SGCD: variants seen among roughly 807,000 people sequenced by gnomAD.
SGCD encodes sarcoglycan delta.
Under a neutral mutation model 36.6 loss-of-function variants are expected in SGCD, and 18 were observed. The observed-to-expected ratio is 0.49, with a 90% CI of 0.34 to 0.73. The LOEUF is 0.73. Among genes scored for constraint, SGCD ranks in the 30% least tolerant of loss-of-function variants. The pLI is 0.01. For missense variants in SGCD, 387 were observed against 346.7 expected (o/e 1.12, Z -0.92); for synonymous variants, 133 against 130.6 (o/e 1.02, Z -0.12).
At chr5:156,706,031 T>C (rs1165310976) in intron 7 of SGCD, among the ~76,000 whole-genome samples, 1 of 152,170 alleles carries the variant, frequency 6.6e-6, no homozygotes, top group Non-Finnish European at 1.5e-5. Context: ...GAAAGATAAA[T>C]TTAAACCCTT....
At chr5:156,613,505 T>C (rs1761907349) in intron 6 of SGCD, among the ~76,000 whole-genome samples, 1 of 152,224 alleles carries the variant, frequency 6.6e-6, no homozygotes, top group South Asian at 2.1e-4. Flanking sequence ...AGTTGGACCT[T>C]AAGTAATGGA....
intron 1 of SGCD, among the ~76,000 whole-genome samples, chr5:155,903,731 G>A (rs978785657): frequency 1.3e-5 from 2 of 152,146 alleles, no homozygotes; most frequent in Admixed American, 6.6e-5. Context: ...AAACACCTAC[G>A]ATGTACAAAG....
intron 6 of SGCD, among the ~76,000 whole-genome samples, chr5:156,625,822 C>T (rs1245471580): frequency 1.3e-5 from 2 of 152,160 alleles, no homozygotes; most frequent in Non-Finnish European, 2.9e-5. Context: ...TGCTTAATAT[C>T]ATGGACCGGA....
chr5:156,061,708 C>T (rs1760211244), intron 1 of SGCD, among the ~76,000 whole-genome samples: 1 of 145,306 alleles, frequency 6.9e-6, no homozygotes, highest in South Asian at 2.2e-4. Flanking sequence ...AAACTAGGAA[C>T]AGGAGAAATT....
At chr5:156,165,599 T>C (rs370917925) in intron 3 of SGCD, among the ~76,000 whole-genome samples, 1 of 152,184 alleles carries the variant, frequency 6.6e-6, no homozygotes, top group East Asian at 1.9e-4. Flanking sequence ...TCTAGTTGAA[T>C]CCTTGAACCT....
intron 1 of SGCD, among the ~76,000 whole-genome samples, chr5:156,081,903 T>C (rs1760964272): frequency 6.6e-6 from 1 of 152,172 alleles, no homozygotes; most frequent in African/African-American, 2.4e-5. Flanking sequence ...GATGATTATA[T>C]GTCCTTCTTC....
chr5:155,998,390 G>A (rs1464738286), intron 1 of SGCD, among the ~76,000 whole-genome samples: 1 of 152,142 alleles, frequency 6.6e-6, no homozygotes, highest in African/African-American at 2.4e-5. Context: ...CTTAGGAAAA[G>A]GCAACTTTTA....
intron 3 of SGCD, among the ~76,000 whole-genome samples, chr5:156,497,511 G>A (rs562372489): frequency 6.6e-6 from 1 of 152,132 alleles, no homozygotes; most frequent in South Asian, 2.1e-4. Context: ...GCAACCTTAT[G>A]AGATTTTATA....
chr5:155,914,016 C>T lies in SGCD; in HGVS notation c.-282+43592C>T, dbSNP rs116266518. On this transcript the variant is annotated intron_variant, in intron 1 of 9. Coordinates refer to the SGCD transcript ENST00000517913. Reference sequence around the variant, plus strand: ...TAAAATGTTACAGTTAGAATGTTGGCCTTTTGGGATCACTGATCCAATGCC... The same window carrying T: ...TAAAATGTTACAGTTAGAATGTTGGTCTTTTGGGATCACTGATCCAATGCC... Among the ~76,000 whole-genome samples the T allele has an allele frequency of 2.7e-3, 415 of 152,246 alleles. 2 individuals are homozygous for T. Among genetic ancestry groups the T allele is most frequent in the Non-Finnish European group, 4.3e-3 (292 of 68,008 alleles).
intron 3 of SGCD, among the ~76,000 whole-genome samples, chr5:156,254,548 C>T (rs1415430609): frequency 1.3e-5 from 2 of 151,972 alleles, no homozygotes; most frequent in East Asian, 3.9e-4. Context: ...TATTTTTTCT[C>T]TTTAAATCTC....
At chr5:155,950,946 C>T (rs1757536504) in intron 1 of SGCD, among the ~76,000 whole-genome samples, 1 of 152,132 alleles carries the variant, frequency 6.6e-6, no homozygotes, top group Non-Finnish European at 1.5e-5. Flanking sequence ...TTAGGAATTG[C>T]ATGTGAGCTG....
chr5:156,253,487 C>CA (rs1448838222), intron 3 of SGCD, among the ~76,000 whole-genome samples: 1 of 152,062 alleles, frequency 6.6e-6, no homozygotes, highest in Non-Finnish European at 1.5e-5. Flanking sequence ...GAATTATTCA[C>CA]AAAAAAGTGA....
chr5:156,236,361 C>G (rs992751744), intron 3 of SGCD, among the ~76,000 whole-genome samples: 2 of 152,080 alleles, frequency 1.3e-5, no homozygotes, highest in Non-Finnish European at 1.5e-5. Flanking sequence ...CACTATTCTA[C>G]CACCTAAAGT....
chr5:155,930,291 G>A (rs547605695), intron 1 of SGCD, among the ~76,000 whole-genome samples: 8 of 152,240 alleles, frequency 5.3e-5, no homozygotes, highest in African/African-American at 1.4e-4. Flanking sequence ...TTAGTCAGTG[G>A]GGTGTGCTTA....
chr5:155,738,873 G>T, the SGCD span, among the ~76,000 whole-genome samples: 2 of 148,414 alleles, frequency 1.3e-5, no homozygotes, highest in African/African-American at 5.1e-5. Context: ...GTGAGTGCGT[G>T]TGAGAGAGAG....
chr5:156,680,306 A>G (rs1753672174), intron 7 of SGCD, among the ~76,000 whole-genome samples: 1 of 152,012 alleles, frequency 6.6e-6, no homozygotes, highest in Non-Finnish European at 1.5e-5. Flanking sequence ...CTGGTATTTG[A>G]CTTCCTCAAA....
chr5:155,859,212 C>G, the SGCD span, among the ~76,000 whole-genome samples: 1 of 151,804 alleles, frequency 6.6e-6, no homozygotes, highest in Non-Finnish European at 1.5e-5. Flanking sequence ...TGCCACCATG[C>G]CTGGCTAATT....
chr5:156,547,749 A>C (rs111606685), intron 4 of SGCD, among the ~76,000 whole-genome samples: 1 of 152,156 alleles, frequency 6.6e-6, no homozygotes, highest in Non-Finnish European at 1.5e-5. Flanking sequence ...TTTTTATATA[A>C]ATAAAAGATT....
At chr5:156,427,821 T>C (rs1237711275) in intron 3 of SGCD, among the ~76,000 whole-genome samples, 1 of 152,202 alleles carries the variant, frequency 6.6e-6, no homozygotes, top group Middle Eastern at 3.2e-3. Context: ...TTAATTCTCT[T>C]TATGTGATGT....
Sources: gnomAD v4.1 joint callset for allele counts (sites outside exome capture counted in the v4.1 genomes callset) on GRCh38, gnomAD v4.1.1 for gene constraint, MANE v1.5 for transcripts, NCBI Gene and HGNC (gene_info 2026-07-23, HGNC 2026-07-21) for gene names.